LY96: variants seen among roughly 807,000 people sequenced by gnomAD.
The protein encoded by LY96 is myeloid differentiation protein-2.
In LY96, 18 loss-of-function variants were observed where a neutral mutation model predicts 18.9. The ratio of observed to expected loss-of-function variants is 0.95; its 90% CI spans 0.66 to 1.41. The LOEUF (loss-of-function observed/expected upper bound fraction) is 1.41, where lower values mean the gene tolerates loss of function less well. Among genes scored for constraint, LY96 ranks in the 40% most tolerant of loss-of-function variants. The pLI is 0.00. For missense variants in LY96, 175 were observed against 182.4 expected, an observed-to-expected ratio of 0.96 and a Z score of 0.23; for synonymous variants, 66 against 62.6, an observed-to-expected ratio of 1.06 and a Z score of -0.26.
the LY96 span, among the ~76,000 whole-genome samples, chr8:74,078,312 A>G: frequency 6.6e-6 from 1 of 152,172 alleles, no homozygotes; most frequent in Admixed American, 6.5e-5. Flanking sequence ...AGTGTGGCCA[A>G]ATGAATACCT....
intron 1 of LY96, among the ~76,000 whole-genome samples, chr8:73,992,754 C>G (rs530288138): frequency 6.6e-6 from 1 of 152,230 alleles, no homozygotes; most frequent in African/African-American, 2.4e-5. Context: ...GCATTCCCCT[C>G]TTCCAGCAAG....
At chr8:74,006,609 A>G (rs1359520486) in intron 2 of LY96, among the ~76,000 whole-genome samples, 1 of 152,228 alleles carries the variant, frequency 6.6e-6, no homozygotes, top group East Asian at 1.9e-4. Flanking sequence ...GACAGCACAG[A>G]GCAAAGGATG....
chr8:74,035,253 C>T, the LY96 span, among the ~76,000 whole-genome samples: 2 of 151,902 alleles, frequency 1.3e-5, no homozygotes, highest in East Asian at 3.9e-4. Context: ...AATGCCTGTC[C>T]ACGTCCATTC....
the LY96 span, among the ~76,000 whole-genome samples, chr8:74,063,611 C>A: frequency 1.8e-4 from 28 of 152,092 alleles, 1 homozygote; most frequent in East Asian, 2.9e-3. Flanking sequence ...GAAACTAATA[C>A]CCTTACAATA....
chr8:73,994,835 G>A (rs1403992383), intron 1 of LY96, among the ~76,000 whole-genome samples: 1 of 152,172 alleles, frequency 6.6e-6, no homozygotes, highest in Non-Finnish European at 1.5e-5. Context: ...CCACAGACTG[G>A]ATGGCTCAAA....
intron 1 of LY96, among the ~76,000 whole-genome samples, chr8:73,996,372 C>CCTTCCTTCCTTTCTTTCTTTCTTT (rs1816135382): frequency 9.0e-6 from 1 of 110,906 alleles, no homozygotes; most frequent in Non-Finnish European, 1.9e-5. Context: ...TTCCTTCATT[C>CCTTCCTTCCTTTCTTTCTTTCTTT]CTTTCTTTCT....
chr8:74,037,343 T>C, the LY96 span, among the ~76,000 whole-genome samples: 24 of 152,160 alleles, frequency 1.6e-4, no homozygotes, highest in South Asian at 4.8e-3. Context: ...TCTAAAAAAA[T>C]AAGAGCCTGG....
chr8:74,092,392 G>A, the LY96 span, among the ~76,000 whole-genome samples: 282 of 152,262 alleles, frequency 1.9e-3, 4 homozygotes, highest in African/African-American at 6.4e-3. Context: ...CCTTAAGTCA[G>A]TCATCCAAGA....
At chr8:73,996,397 C>A (rs1322558479) in intron 1 of LY96, among the ~76,000 whole-genome samples, 1 of 42,008 alleles carries the variant, frequency 2.4e-5, no homozygotes, top group Non-Finnish European at 4.7e-5. Flanking sequence ...TTCTTTCTTT[C>A]TTTCTTTCTT....
chr8:74,027,066 A>T (rs1337756901), intron 4 of LY96, among the ~76,000 whole-genome samples: 1 of 151,642 alleles, frequency 6.6e-6, no homozygotes, highest in African/African-American at 2.4e-5. Flanking sequence ...TAGCCTCCTG[A>T]CTAGCTGGGA....
intron 1 of LY96, among the ~76,000 whole-genome samples, chr8:73,998,039 G>A (rs2929506): frequency 0.012 from 1,793 of 152,242 alleles, 9 homozygotes; most frequent in Non-Finnish European, 0.018. Context: ...CTTCCTGCAG[G>A]ATGGGAGGTG....
At chr8:74,081,046 CTTTTT>C in the LY96 span, among the ~76,000 whole-genome samples, 24 of 86,900 alleles carry the variant, frequency 2.8e-4, 1 homozygote, top group African/African-American at 1.1e-3. Flanking sequence ...TTCTTTCTTT[CTTTTT>C]CTTTCTTTCT....
chr8:74,062,788 C>T, the LY96 span, among the ~76,000 whole-genome samples: 1 of 152,154 alleles, frequency 6.6e-6, no homozygotes, highest in Non-Finnish European at 1.5e-5. Context: ...GAGTTAGTCG[C>T]ATGACTAGTC....
At chr8:74,075,829 G>A in the LY96 span, among the ~76,000 whole-genome samples, 1 of 152,126 alleles carries the variant, frequency 6.6e-6, no homozygotes, top group Non-Finnish European at 1.5e-5. Context: ...CAAGTAAAGG[G>A]TATGAAAAGA....
chr8:74,095,405 T>A, the LY96 span, among the ~76,000 whole-genome samples: 4 of 152,118 alleles, frequency 2.6e-5, no homozygotes, highest in Non-Finnish European at 5.9e-5. Context: ...TCTTCCTCCA[T>A]CCCTCCCTAT....
At chr8:74,094,443 C>T in the LY96 span, among the ~76,000 whole-genome samples, 1 of 151,974 alleles carries the variant, frequency 6.6e-6, no homozygotes, top group African/African-American at 2.4e-5. Context: ...TATTTGAAAC[C>T]CTTTATGTTC....
chr8:74,055,735 G>T, the LY96 span: 1 of 152,272 alleles, frequency 6.6e-6, no homozygotes, highest in Non-Finnish European at 1.5e-5. Flanking sequence ...GAAGACTTTT[G>T]CTGGCTGGCA....
the LY96 span, among the ~76,000 whole-genome samples, chr8:74,068,061 C>CG: frequency 2.8e-5 from 1 of 36,192 alleles, no homozygotes; most frequent in African/African-American, 1.2e-4. Context: ...AACTCTGTCT[C>CG]AAAAAAAAAA....
chr8:74,051,091 C>T, the LY96 span, among the ~76,000 whole-genome samples: 2 of 152,134 alleles, frequency 1.3e-5, no homozygotes, highest in African/African-American at 4.8e-5. Context: ...TGGGGTTGTT[C>T]TAAACATAAG....
Sources: allele counts gnomAD v4.1 joint callset (sites outside exome capture counted in the v4.1 genomes callset), GRCh38; gene constraint gnomAD v4.1.1; transcripts MANE v1.5; gene names NCBI Gene and HGNC (gene_info 2026-07-23, HGNC 2026-07-21).